Variants in SLC7A9 observed in about 807,000 individuals in gnomAD.
The protein encoded by SLC7A9 is solute carrier family 7 member 9, also known as B(0,+)-type amino acid transporter 1.
SLC7A9 carries 38 observed loss-of-function variants against 54.1 expected under a neutral mutation model. That is an observed-to-expected ratio of 0.70 (90% CI 0.54 to 0.92). The LOEUF is 0.92. Ranked by LOEUF, SLC7A9 falls within the 40% of genes least tolerant of loss-of-function variation. SLC7A9 has a pLI of 0.00. For missense variants in SLC7A9, 537 were observed against 636.1 expected (o/e 0.84, Z 1.68); for synonymous variants, 264 against 258.9 (o/e 1.02, Z -0.19).
At chr19:32,850,938 TAATA>T (rs1468910477) in intron 9 of SLC7A9, among the ~76,000 whole-genome samples, 1 of 152,164 alleles carries the variant, frequency 6.6e-6, no homozygotes, top group Non-Finnish European at 1.5e-5. Flanking sequence ...ATTCCCTATT[TAATA>T]AATGGTCCTG....
chr19:32,843,490 C>T (rs1228808335), intron 10 of SLC7A9, among the ~76,000 whole-genome samples: 1 of 139,866 alleles, frequency 7.1e-6, no homozygotes, highest in Non-Finnish European at 1.7e-5. Context: ...GTTTACTGCA[C>T]AAGGATCCGG....
intron 9 of SLC7A9, among the ~76,000 whole-genome samples, chr19:32,850,223 G>A (rs911950867): frequency 1.1e-4 from 16 of 150,216 alleles, no homozygotes; most frequent in Non-Finnish European, 1.9e-4. Context: ...ATTCAATTAG[G>A]AAAAGAGGAA....
Position 32,868,715 on chromosome 19 carries a change from G to A in SLC7A9, c.-111-70C>T, listed in dbSNP as rs1028346986. The A allele has an allele frequency of 1.3e-5, 9 of 666,860 alleles. No homozygotes were observed. The African/African-American group carries it at 1.6e-4, about 12-fold the overall frequency. 41.3% of individuals were successfully genotyped at this position (666,860 alleles called of 1,614,324 possible). Reference sequence around the variant, plus strand: ...GCCAGTCCCTCAGGGCTCATGCGCTGGGCCCCAGAGTCAAAGTCAGTCATT... The same window carrying A: ...GCCAGTCCCTCAGGGCTCATGCGCTAGGCCCCAGAGTCAAAGTCAGTCATT... On this transcript the variant is annotated intron_variant, in intron 1 of 12. Coordinates refer to ENST00000023064, the MANE Select transcript of SLC7A9 (RefSeq NM_014270.5).
At chr19:32,832,548 A>C (rs969956854) in intron 12 of SLC7A9, among the ~76,000 whole-genome samples, 1 of 148,760 alleles carries the variant, frequency 6.7e-6, no homozygotes, top group Admixed American at 6.8e-5. Context: ...AGACCGCACC[A>C]CTGCACTCCA....
chr19:32,860,617 T>G lies in SLC7A9; in HGVS notation c.738A>C (p.Arg246Ser). Reference protein sequence around the residue: ...NQLNYITEELRNPYRNLPLAI... With the variant: ...NQLNYITEELSNPYRNLPLAI... Reference sequence around the variant, plus strand: ...GATTCAGCTGTTACCTGTAAGGGTTTCTAAGTTCTTCTGTGATGTAATTGA... The same window carrying G: ...GATTCAGCTGTTACCTGTAAGGGTTGCTAAGTTCTTCTGTGATGTAATTGA... Residue 246 changes from arginine to serine, a missense_variant, in exon 7 of 13, where the codon AGA becomes AGC. Physicochemically the swap from Arg to Ser is moderately radical, Grantham distance 110 (BLOSUM62 -1). Coordinates refer to ENST00000023064, the MANE Select transcript of SLC7A9 (RefSeq NM_014270.5). 1 of 1,614,186 alleles carries G rather than the reference T, an allele frequency of 6.2e-7. No homozygotes were observed. The highest frequency in any genetic ancestry group is 2.2e-5 in the East Asian group (1 of 44,888).
At chr19:32,839,781 G>C (rs1237719680) in intron 11 of SLC7A9, among the ~76,000 whole-genome samples, 1 of 152,122 alleles carries the variant, frequency 6.6e-6, no homozygotes, top group African/African-American at 2.4e-5. Context: ...TAAGTGAATT[G>C]CAGATGGGAG....
chr19:32,834,751 T>C (rs2145796461), intron 11 of SLC7A9, among the ~76,000 whole-genome samples: 2 of 152,336 alleles, frequency 1.3e-5, no homozygotes, highest in East Asian at 3.9e-4. Context: ...TTTGTTTTCA[T>C]TTTTAAGTGT....
At position 32,862,560 on chromosome 19, in the gene SLC7A9, T is replaced by C. The variant is rs1397169213; in HGVS notation, c.505A>G (p.Ser169Gly). The change falls in exon 5 of 13, where the codon AGC becomes GGC. Residue 169 changes from serine to glycine, a missense_variant. Transcript: ENST00000023064. ...TGGACGTAGCTTCCCAGCCGCACGC[T>C]CAGTGAGTTCACTGTCGAGATGAAC... is the stretch of plus-strand genomic sequence containing the variant. Reference protein sequence around the residue: ...ILFISTVNSLSVRLGSYVQNI... With the variant: ...ILFISTVNSLGVRLGSYVQNI... 2 of 1,614,030 alleles carry C rather than the reference T, an allele frequency of 1.2e-6. No individual in the cohort carries two copies. Among genetic ancestry groups the C allele is most frequent in the Non-Finnish European group, 1.7e-6 (2 of 1,180,018 alleles).
At chr19:32,837,914 G>C (rs1166914043) in intron 11 of SLC7A9, among the ~76,000 whole-genome samples, 1 of 152,084 alleles carries the variant, frequency 6.6e-6, no homozygotes, top group African/African-American at 2.4e-5. Flanking sequence ...TATAGTTCAG[G>C]GTGTTAAAAG....
At chr19:32,845,860 T>C (rs977326175) in intron 9 of SLC7A9, among the ~76,000 whole-genome samples, 1 of 151,666 alleles carries the variant, frequency 6.6e-6, no homozygotes, top group Admixed American at 6.6e-5. Flanking sequence ...ACACAAAAAT[T>C]AGGTGTGATG....
chr19:32,845,103 G>T (rs1228483845), intron 9 of SLC7A9, among the ~76,000 whole-genome samples: 1 of 151,952 alleles, frequency 6.6e-6, no homozygotes, highest in African/African-American at 2.4e-5. Flanking sequence ...GGCAGAGGTT[G>T]CAGTAAGCCA....
chr19:32,830,585 A>C lies in SLC7A9; in HGVS notation c.*35T>G. On this transcript the variant is annotated 3_prime_UTR_variant, in exon 13 of 13. Transcript: ENST00000023064. ...ACCACAAATATTGCTTAAGAAAATA[A>C]ATTCAGCTGACTTGGCTACAAGAGA... The C allele has an allele frequency of 6.5e-7, 1 of 1,528,946 alleles. No homozygotes were observed. Among genetic ancestry groups the C allele is most frequent in the African/African-American group, 1.4e-5 (1 of 73,326 alleles). The allele number at this position is 1,528,946 out of a possible 1,614,324, so 94.7% of individuals were successfully genotyped here. A position where few individuals can be genotyped will look rare whatever the true frequency, so the allele number is the denominator to read the frequency against.
intron 3 of SLC7A9, 83 bp downstream of exon 3, chr19:32,864,546 G>A (rs1968906248): frequency 1.3e-6 from 2 of 1,575,890 alleles, no homozygotes; most frequent in African/African-American, 2.7e-5. Context: ...GATACTGGCA[G>A]GGTGAGGGCT....
intron 2 of SLC7A9, 128 bp downstream of exon 2, chr19:32,868,320 T>A: frequency 2.8e-6 from 2 of 721,984 alleles, no homozygotes; most frequent in Non-Finnish European, 2.6e-6. Flanking sequence ...AAAGATGTAC[T>A]TCACAAATCA....
At chr19:32,844,113 C>T (rs991822623) in intron 9 of SLC7A9, among the ~76,000 whole-genome samples, 162 bp from the exon 10 acceptor site, 2 of 151,998 alleles carry the variant, frequency 1.3e-5, no homozygotes, top group Admixed American at 1.3e-4. Flanking sequence ...CTTCGGGAGA[C>T]GAGTGGGTTT....
At chr19:32,866,557 TAAGGTTAC>T in intron 2 of SLC7A9, among the ~76,000 whole-genome samples, 1 of 152,324 alleles carries the variant, frequency 6.6e-6, no homozygotes, top group Middle Eastern at 3.4e-3. Flanking sequence ...CCCAAAGTGC[TAAGGTTAC>T]AGGCGTGTGC....
Position 32,868,385 on chromosome 19 carries a change from G to A in SLC7A9, c.87+63C>T, listed in dbSNP as rs1568535015. The A allele has an allele frequency of 8.9e-6, 11 of 1,237,960 alleles. No individual in the cohort carries two copies. The Admixed American group carries it at 1.0e-4, about 11-fold the overall frequency. 76.7% of individuals were successfully genotyped at this position (1,237,960 alleles called of 1,614,324 possible). On this transcript the variant is annotated intron_variant, in intron 2 of 12. Coordinates refer to ENST00000023064, the MANE Select transcript of SLC7A9 (RefSeq NM_014270.5). ...GATCGGCCCGGATTTCACTGCCTGC[G>A]CCCCTCGTTCAGACGCCCTTGCCTA...
At chr19:32,861,179 A>C (rs1438096651) in intron 6 of SLC7A9, among the ~76,000 whole-genome samples, 1 of 152,026 alleles carries the variant, frequency 6.6e-6, no homozygotes, top group Admixed American at 6.6e-5. Flanking sequence ...AAATACAAAA[A>C]TTAGCCCTGC....
intron 2 of SLC7A9, among the ~76,000 whole-genome samples, chr19:32,867,113 A>G (rs1968994315): frequency 6.6e-6 from 1 of 152,228 alleles, no homozygotes; most frequent in East Asian, 1.9e-4. Flanking sequence ...AGATGCCTCT[A>G]AGACAGAACA....
Sources: gnomAD v4.1 joint callset for allele counts (sites outside exome capture counted in the v4.1 genomes callset) on GRCh38, gnomAD v4.1.1 for gene constraint, MANE v1.5 for transcripts, NCBI Gene and HGNC (gene_info 2026-07-23, HGNC 2026-07-21) for gene names.